Variants in CASR observed in about 807,000 individuals in gnomAD.
CASR encodes the protein extracellular calcium-sensing receptor.
Under a neutral mutation model 69.1 loss-of-function variants are expected in CASR, and 23 were observed. The observed-to-expected ratio is 0.33, with a 90% CI of 0.24 to 0.47. The LOEUF (loss-of-function observed/expected upper bound fraction) is 0.47, where lower values mean the gene tolerates loss of function less well. CASR is among the 20% of genes least tolerant of loss of function. The pLI is 1.00. For missense variants in CASR, 924 were observed against 1,356.1 expected (o/e 0.68, Z 5.00); for synonymous variants, 541 against 544.7 (o/e 0.99, Z 0.10).
At chr3:122,283,602 C>G (rs935979809) in intron 6 of CASR, 85 bp from the exon 7 acceptor site, 1 of 1,091,958 alleles carries the variant, frequency 9.2e-7, no homozygotes, top group African/African-American at 1.5e-5. Context: ...ATCCAAAAAA[C>G]TATGTATTCC....
chr3:122,222,664 G>A (rs113336657), intron 1 of CASR, among the ~76,000 whole-genome samples: 153 of 152,068 alleles, frequency 1.0e-3, no homozygotes, highest in African/African-American at 3.3e-3. Context: ...GATCATCAAG[G>A]CAGTATCTAA....
At chr3:122,186,810 A>G (rs6762782) in intron 1 of CASR, among the ~76,000 whole-genome samples, 92,892 of 151,950 alleles carry the variant, frequency 0.61, 28,762 homozygotes, top group Admixed American at 0.74. Flanking sequence ...TAGGACCAGA[A>G]TGTATCCACT....
At position 122,225,198 on chromosome 3, in the gene CASR, A is replaced by G. The variant is rs139356358; in HGVS notation, c.-242-28750A>G. 6.9e-3 allele frequency among the ~76,000 whole-genome samples: 1,050 copies of G among 152,266 alleles called. 6 individuals are homozygous for G. The highest frequency in any genetic ancestry group is 0.01 in the Non-Finnish European group (702 of 68,016). On this transcript the variant is annotated intron_variant, in intron 1 of 6. Coordinates refer to ENST00000639785, the MANE Select transcript of CASR (RefSeq NM_000388.4). ...TAAGTCCCCAAAAGCAATTGCAACA[A>G]AAACAAAAATTGATGAGAGAGACCT...
Position 122,290,823 on chromosome 3 carries a change from T to C in CASR, c.*5632T>C, listed in dbSNP as rs1285771981. 37 of 151,444 alleles carry C rather than the reference T, an allele frequency of 2.4e-4. No individual in the cohort carries two copies. Among genetic ancestry groups the C allele is most frequent in the African/African-American group, 7.0e-4 (29 of 41,334 alleles). The allele number at this position is 151,444 out of a possible 1,614,324, so 9.4% of individuals were successfully genotyped here. A position where few individuals can be genotyped will look rare whatever the true frequency, so the allele number is the denominator to read the frequency against. On this transcript the variant is annotated 3_prime_UTR_variant, in exon 7 of 7. Transcript: ENST00000639785. ...ATACATGTGCCATGTTGGTGTGCTGTACCCATTAACTCGTCATTTACCATT... is the reference window on the plus strand; with the variant it reads ...ATACATGTGCCATGTTGGTGTGCTGCACCCATTAACTCGTCATTTACCATT...
chr3:122,239,001 G>C (rs1221919068), intron 1 of CASR, among the ~76,000 whole-genome samples: 1 of 152,174 alleles, frequency 6.6e-6, no homozygotes, highest in Non-Finnish European at 1.5e-5. Context: ...TACCTTCCCA[G>C]CTGGGGTGGC....
intron 1 of CASR, among the ~76,000 whole-genome samples, chr3:122,196,023 G>A (rs1047697250): frequency 2.6e-5 from 4 of 152,104 alleles, no homozygotes; most frequent in Non-Finnish European, 5.9e-5. Context: ...TTTACCCTAA[G>A]GAAATTCAGG....
chr3:122,266,121 G>A (rs1199406425), intron 4 of CASR, among the ~76,000 whole-genome samples: 1 of 151,924 alleles, frequency 6.6e-6, no homozygotes, highest in Non-Finnish European at 1.5e-5. Context: ...CAGAGTGGGG[G>A]GGTTTCTAGT....
intron 1 of CASR, among the ~76,000 whole-genome samples, chr3:122,206,395 G>T (rs111910541): frequency 5.3e-5 from 8 of 151,858 alleles, no homozygotes; most frequent in African/African-American, 1.9e-4. Flanking sequence ...TTGAGTATGT[G>T]GAACCATCCT....
intron 1 of CASR, among the ~76,000 whole-genome samples, chr3:122,243,625 A>G (rs1576844092): frequency 6.6e-6 from 1 of 152,136 alleles, no homozygotes; most frequent in African/African-American, 2.4e-5. Context: ...AGGCCCCTCA[A>G]AAAACTAAAA....
rs1264398534 is a variant in CASR, at chr3:122,286,264, CAG to C, written c.*1079_*1080del. 6.6e-6 allele frequency: 1 copy of C among 152,182 alleles called. No individual in the cohort carries two copies. The highest frequency in any genetic ancestry group is 1.5e-5 in the Non-Finnish European group (1 of 68,054). 9.4% of individuals were successfully genotyped at this position (152,182 alleles called of 1,614,324 possible). A position where few individuals can be genotyped will look rare whatever the true frequency, so the allele number is the denominator to read the frequency against. Reference sequence around the variant, plus strand: ...CTGCCGGTCACCCAGGCTCTGGAGCCAGAGAGACAGACCGGGGTTCAAGCCAT... The same window carrying C: ...CTGCCGGTCACCCAGGCTCTGGAGCCAGAGACAGACCGGGGTTCAAGCCAT... On this transcript the variant is annotated 3_prime_UTR_variant, in exon 7 of 7. Coordinates refer to ENST00000639785, the MANE Select transcript of CASR (RefSeq NM_000388.4).
chr3:122,230,937 G>A (rs763212362), intron 1 of CASR, among the ~76,000 whole-genome samples: 3 of 152,014 alleles, frequency 2.0e-5, no homozygotes, highest in African/African-American at 4.8e-5. Context: ...TTGACCTATC[G>A]GATTGATACT....
In CASR at chr3:122,284,114, G is replaced by A. The variant is rs1447996348; in HGVS notation, c.2160G>A (p.Gly720=). ...IPTSFHRKWW[G]LNLQFLLVFL... ...CCAGCTTCCACCGCAAGTGGTGGGG[G>A]CTCAACCTGCAGTTCCTGCTGGTTT... Residue 720 remains glycine (G), a synonymous_variant, in exon 7 of 7, where the codon GGG becomes GGA. Transcript: ENST00000639785. 8 of 1,614,000 alleles carry A rather than the reference G, an allele frequency of 5.0e-6. No homozygotes were observed. Among genetic ancestry groups the A allele is most frequent in the Non-Finnish European group, 6.8e-6 (8 of 1,179,950 alleles).
At chr3:122,234,943 G>A (rs1213719230) in intron 1 of CASR, among the ~76,000 whole-genome samples, 1 of 152,254 alleles carries the variant, frequency 6.6e-6, no homozygotes, top group Non-Finnish European at 1.5e-5. Flanking sequence ...AAGGCAGAGA[G>A]ACACTGAGAG....
At chr3:122,222,529 T>C (rs1329470678) in intron 1 of CASR, among the ~76,000 whole-genome samples, 2 of 152,164 alleles carry the variant, frequency 1.3e-5, no homozygotes, top group Non-Finnish European at 2.9e-5. Flanking sequence ...AAGGATTCAA[T>C]TCAACAAGAA....
At chr3:122,257,792 C>G (rs886300487) in intron 3 of CASR, among the ~76,000 whole-genome samples, 3 of 152,226 alleles carry the variant, frequency 2.0e-5, no homozygotes, top group African/African-American at 4.8e-5. Context: ...AAAAGTCTCG[C>G]TGCTCCACTG....
At chr3:122,234,772 TG>T (rs2074313535) in intron 1 of CASR, among the ~76,000 whole-genome samples, 4 of 152,226 alleles carry the variant, frequency 2.6e-5, no homozygotes, top group Admixed American at 2.6e-4. Context: ...GAAACATGTG[TG>T]GGCTTCTTTG....
At chr3:122,257,643 G>T in intron 3 of CASR, 1 of 425,926 alleles carries the variant, frequency 2.3e-6, no homozygotes, top group Non-Finnish European at 4.2e-6. Context: ...TTTTTAAAAA[G>T]AGGCATTCAG....
At chr3:122,212,941 C>T (rs1042567308) in intron 1 of CASR, among the ~76,000 whole-genome samples, 1 of 152,090 alleles carries the variant, frequency 6.6e-6, no homozygotes, top group Non-Finnish European at 1.5e-5. Context: ...AGTGCCTGGC[C>T]GATTTTCTAC....
intron 1 of CASR, among the ~76,000 whole-genome samples, chr3:122,252,148 A>ATTTTTTT (rs2107621851): frequency 6.6e-6 from 1 of 151,654 alleles, no homozygotes; most frequent in African/African-American, 2.4e-5. Context: ...TACATTTAAA[A>ATTTTTTT]TTAGCCAGGT....
Sources: allele counts gnomAD v4.1 joint callset (sites outside exome capture counted in the v4.1 genomes callset), GRCh38; gene constraint gnomAD v4.1.1; transcripts MANE v1.5; gene names NCBI Gene and HGNC (gene_info 2026-07-23, HGNC 2026-07-21).